Variants in CDH4 observed in about 807,000 individuals in gnomAD.
The protein encoded by CDH4 is cadherin-4.
Under a neutral mutation model 86.0 loss-of-function variants are expected in CDH4, and 33 were observed. That is an observed-to-expected ratio of 0.38 (90% confidence interval 0.29 to 0.51). The LOEUF is 0.51. CDH4 is among the 20% of genes least tolerant of loss of function. The pLI, the probability that CDH4 is intolerant of heterozygous loss-of-function variation, is 0.86. For synonymous variants in CDH4, 555 were observed against 549.4 expected (o/e 1.01, Z -0.14); for missense variants, 1,114 against 1,307.4 (o/e 0.85, Z 2.28).
At chr20:61,559,041 G>A (rs577555301) in intron 2 of CDH4, among the ~76,000 whole-genome samples, 18 of 152,330 alleles carry the variant, frequency 1.2e-4, no homozygotes, top group South Asian at 4.1e-4. Flanking sequence ...CTGCTGGGCC[G>A]GGCGCAGTGG....
chr20:61,891,761 G>A (rs935444978), intron 7 of CDH4, among the ~76,000 whole-genome samples: 11 of 152,196 alleles, frequency 7.2e-5, no homozygotes, highest in African/African-American at 1.7e-4. Context: ...ATTGGCTGCC[G>A]TGTTCCCACC....
At chr20:61,840,366 C>T (rs764317137) in intron 4 of CDH4, among the ~76,000 whole-genome samples, 2 of 152,182 alleles carry the variant, frequency 1.3e-5, no homozygotes, top group Admixed American at 1.3e-4. Flanking sequence ...GATTCAAAAC[C>T]ACACAGGGTG....
Position 61,582,950 on chromosome 20 carries a change from G to A in CDH4, c.170-160613G>A, listed in dbSNP as rs1037412316. On this transcript the variant is annotated intron_variant, in intron 2 of 15. Transcript: ENST00000614565. This position sits in a 1 kb window ranked among gnomAD's most constrained non-coding sequence, Gnocchi z 4.2. The stretch of plus-strand genomic sequence containing the variant: ...CGCCTTCTGCGCCCCCATGGCCCCC[G>A]GCCCTAGGCAGCCACTAATCTACTT... 1.3e-5 allele frequency among the ~76,000 whole-genome samples: 2 copies of A among 151,858 alleles called. No homozygotes were observed. The highest frequency in any genetic ancestry group is 2.4e-5 in the African/African-American group (1 of 41,304).
intron 2 of CDH4, among the ~76,000 whole-genome samples, chr20:61,472,217 C>CA (rs2145569479): frequency 6.6e-6 from 1 of 152,274 alleles, no homozygotes; most frequent in Admixed American, 6.5e-5. Flanking sequence ...ATAATTGTTA[C>CA]AGCTGCTTGC....
intron 2 of CDH4, among the ~76,000 whole-genome samples, chr20:61,470,097 A>G (rs977820888): frequency 6.6e-6 from 1 of 152,132 alleles, no homozygotes; most frequent in Non-Finnish European, 1.5e-5. Context: ...TTCTGTGAAG[A>G]ATGTCATTGG....
At chr20:61,812,811 G>A (rs1204062740) in intron 4 of CDH4, among the ~76,000 whole-genome samples, 3 of 152,288 alleles carry the variant, frequency 2.0e-5, no homozygotes, top group South Asian at 2.1e-4. Flanking sequence ...TCCCAAATAC[G>A]TGGAGGGGTT....
intron 7 of CDH4, among the ~76,000 whole-genome samples, chr20:61,885,488 ATAT>A (rs1568866918): frequency 6.6e-6 from 1 of 152,192 alleles, no homozygotes; most frequent in Non-Finnish European, 1.5e-5. Flanking sequence ...TGGCTGAATA[ATAT>A]TCCGCTGCAT....
intron 2 of CDH4, among the ~76,000 whole-genome samples, chr20:61,699,839 T>A (rs2087756037): frequency 6.6e-6 from 1 of 152,158 alleles, no homozygotes; most frequent in Non-Finnish European, 1.5e-5. Flanking sequence ...GTGACCAGCC[T>A]GTAAGAACAT....
Position 61,544,377 on chromosome 20 carries a change from C to T in CDH4, c.170-199186C>T, listed in dbSNP as rs116129916. Among the ~76,000 whole-genome samples, 59 of 151,974 alleles carry T rather than the reference C, an allele frequency of 3.9e-4. No homozygotes were observed. Among genetic ancestry groups the T allele is most frequent in the African/African-American group, 8.7e-4 (36 of 41,458 alleles). On this transcript the variant is annotated intron_variant, in intron 2 of 15. Coordinates refer to ENST00000614565, the MANE Select transcript of CDH4 (RefSeq NM_001794.5). This position sits in a 1 kb window ranked among gnomAD's most constrained non-coding sequence, Gnocchi z 6.5. ...CTCGTGTCCAGGCCGAGAAACCCGA[C>T]GTAGAAATCCAGCTTGCCCAGGAGA...
chr20:61,921,933 A>G (rs1262529500), intron 9 of CDH4, among the ~76,000 whole-genome samples: 2 of 152,050 alleles, frequency 1.3e-5, no homozygotes, highest in African/African-American at 4.8e-5. Flanking sequence ...ACATATACAA[A>G]TCATATTTTT....
intron 4 of CDH4, among the ~76,000 whole-genome samples, chr20:61,785,923 C>T (rs1285735576): frequency 6.6e-6 from 1 of 152,200 alleles, no homozygotes; most frequent in African/African-American, 2.4e-5. Flanking sequence ...TCCAAAGGAA[C>T]CTTCAGACTG....
intron 4 of CDH4, among the ~76,000 whole-genome samples, chr20:61,804,809 C>T (rs1259697210): frequency 6.6e-6 from 1 of 152,216 alleles, no homozygotes; most frequent in Non-Finnish European, 1.5e-5. Flanking sequence ...ACAGTCAGGA[C>T]TCATCTGTTG....
intron 8 of CDH4, among the ~76,000 whole-genome samples, chr20:61,905,377 G>A (rs945857306): frequency 2.4e-4 from 37 of 152,326 alleles, no homozygotes; most frequent in African/African-American, 8.4e-4. Flanking sequence ...AGAGCGCCGC[G>A]CTCCCTCCTC....
chr20:61,586,475 A>T lies in CDH4; in HGVS notation c.170-157088A>T, dbSNP rs148396518. On this transcript the variant is annotated intron_variant, in intron 2 of 15. Transcript: ENST00000614565. ...CAGTTATTGTGTTTCTGTGGCCTCC[A>T]GCCAGGGAGTGCCTGAGGGGGTGTT... Among the ~76,000 whole-genome samples the T allele has an allele frequency of 1.7e-3, 258 of 152,330 alleles. 1 individual carries two copies. Among genetic ancestry groups the T allele is most frequent in the Non-Finnish European group, 2.5e-3 (171 of 68,026 alleles).
At chr20:61,732,361 G>A (rs141261374) in intron 2 of CDH4, among the ~76,000 whole-genome samples, 2,309 of 152,234 alleles carry the variant, frequency 0.015, 46 homozygotes, top group Non-Finnish European at 0.02. Context: ...CAAGTGTGGA[G>A]GTGACCGCGT....
intron 2 of CDH4, among the ~76,000 whole-genome samples, chr20:61,587,252 G>C (rs1212596621): frequency 6.6e-6 from 1 of 152,052 alleles, no homozygotes; most frequent in Admixed American, 6.5e-5. Context: ...TTGAAGGGGG[G>C]CCACTGAGTG....
Position 61,919,272 on chromosome 20 carries a change from T to C in CDH4, c.1375-4179T>C, listed in dbSNP as rs1600771945. The stretch of plus-strand genomic sequence containing the variant: ...TGTGACATACCAGATTATGTGGTTG[T>C]TCCTGCTTGGAAAGATCAGGCCCTG... On this transcript the variant is annotated intron_variant, in intron 9 of 15. Coordinates refer to ENST00000614565, the MANE Select transcript of CDH4 (RefSeq NM_001794.5). Among the ~76,000 whole-genome samples the C allele has an allele frequency of 1.3e-5, 2 of 152,216 alleles. 1 individual carries two copies. Among genetic ancestry groups the C allele is most frequent in the African/African-American group, 4.8e-5 (2 of 41,448 alleles).
intron 2 of CDH4, among the ~76,000 whole-genome samples, chr20:61,523,004 C>T (rs1342360604): frequency 6.6e-6 from 1 of 152,226 alleles, no homozygotes; most frequent in Non-Finnish European, 1.5e-5. Context: ...GTAGCTCCAT[C>T]AGCCACCGGC....
At chr20:61,898,584 G>A (rs1297808821) in intron 8 of CDH4, among the ~76,000 whole-genome samples, 1 of 152,112 alleles carries the variant, frequency 6.6e-6, no homozygotes, top group South Asian at 2.1e-4. Context: ...CTTCCTCCAG[G>A]CCACCCCCAC....
Sources: gnomAD v4.1 joint callset for allele counts (sites outside exome capture counted in the v4.1 genomes callset) on GRCh38, gnomAD v4.1.1 for gene constraint, Gnocchi (gnomAD v3.1) non-coding constraint, MANE v1.5 for transcripts, NCBI Gene and HGNC (gene_info 2026-07-23, HGNC 2026-07-21) for gene names.